The following CARMIL1 variants were observed in gnomAD, a reference collection of about 807,000 sequenced individuals.
The protein encoded by CARMIL1 is F-actin-uncapping protein LRRC16A.
In CARMIL1, 90 loss-of-function variants were observed where a neutral mutation model predicts 177.1. The ratio of observed to expected loss-of-function variants is 0.51; its 90% CI spans 0.43 to 0.61. CARMIL1 has a LOEUF of 0.61. Ranked by LOEUF, CARMIL1 falls within the 20% of genes least tolerant of loss-of-function variation. The probability of loss-of-function intolerance (pLI) is 0.00; values close to 1 mark genes in which losing one functional copy is unlikely to be tolerated. For synonymous variants in CARMIL1, 577 were observed against 606.2 expected, an observed-to-expected ratio of 0.95 and a Z score of 0.71; for missense variants, 1,380 against 1,667.0, an observed-to-expected ratio of 0.83 and a Z score of 3.00.
chr6:25,397,278 T>C (rs978516289), intron 2 of CARMIL1, among the ~76,000 whole-genome samples: 1 of 152,186 alleles, frequency 6.6e-6, no homozygotes, highest in Admixed American at 6.5e-5. Flanking sequence ...GGTTAAGCCC[T>C]CATACAAGCG....
chr6:25,607,781 C>T (rs3804109), intron 35 of CARMIL1, among the ~76,000 whole-genome samples: 43,863 of 151,970 alleles, frequency 0.29, 6,406 homozygotes, highest in Non-Finnish European at 0.3. Context: ...TGGACAGTCC[C>T]TGGTCTTCAT....
intron 8 of CARMIL1, among the ~76,000 whole-genome samples, chr6:25,459,561 A>G (rs938718112): frequency 6.6e-6 from 1 of 151,858 alleles, no homozygotes; most frequent in East Asian, 1.9e-4. Flanking sequence ...CTGGATCCCA[A>G]CATTTTTTAT....
Position 25,419,791 on chromosome 6 carries a change from A to G in CARMIL1, c.139-323A>G, listed in dbSNP as rs76143448. Among the ~76,000 whole-genome samples, 536 of 152,258 alleles carry G rather than the reference A, an allele frequency of 3.5e-3. 5 individuals carry two copies. Among genetic ancestry groups the G allele is most frequent in the Non-Finnish European group, 5.1e-3 (349 of 67,996 alleles). On this transcript the variant is annotated intron_variant, in intron 2 of 36. Coordinates refer to ENST00000329474, the MANE Select transcript of CARMIL1 (RefSeq NM_017640.6). ...TGTTGATATAGTGAGACTTGTGACT[A>G]TGTATCTTATGCATTTTAGTATCAC... is the stretch of plus-strand genomic sequence containing the variant.
At chr6:25,531,830 G>A (rs1807787654) in intron 24 of CARMIL1, among the ~76,000 whole-genome samples, 1 of 152,152 alleles carries the variant, frequency 6.6e-6, no homozygotes, top group African/African-American at 2.4e-5. Flanking sequence ...GAGTGCAGTG[G>A]CGCAATCTCG....
chr6:25,516,998 C>T (rs779015873), intron 21 of CARMIL1, among the ~76,000 whole-genome samples: 15 of 152,052 alleles, frequency 9.9e-5, no homozygotes, highest in Non-Finnish European at 1.8e-4. Flanking sequence ...ATAGCTTCCA[C>T]CTCAGACATA....
rs1791554409 is a variant in CARMIL1 at position 25,381,688 on chromosome 6, G to A, written c.139-38426G>A. Among the ~76,000 whole-genome samples, 5 of 152,302 alleles carry A rather than the reference G, an allele frequency of 3.3e-5. No individual in the cohort carries two copies. In the South Asian group the frequency reaches 1.0e-3, roughly 32 times the overall value. On this transcript the variant is annotated intron_variant, in intron 2 of 36. Coordinates refer to ENST00000329474, the MANE Select transcript of CARMIL1 (RefSeq NM_017640.6). ...GCACAGGACAAGGTATAGAGGAAGG[G>A]CATTGCCCTCTCTAGATGCCCACCC...
rs138123209 is a variant in CARMIL1 at position 25,453,116 on chromosome 6, A to T, written c.614+2405A>T. Among the ~76,000 whole-genome samples the T allele has an allele frequency of 1.2e-4, 19 of 152,342 alleles. No homozygotes were observed. In the East Asian group the frequency reaches 3.7e-3, roughly 29 times the overall value. On this transcript the variant is annotated intron_variant, in intron 8 of 36. Transcript: ENST00000329474. ...TGTATAATAGCAAAAGAAAAAAGAA[A>T]GACATTTCATAACTATCATCACTGA...
rs748224504 is a variant in CARMIL1, at chr6:25,517,463, C to A, written c.1874+48C>A. 8 of 1,434,824 alleles carry A rather than the reference C, an allele frequency of 5.6e-6. No individual in the cohort carries two copies. In the African/African-American group the frequency reaches 1.1e-4, roughly 20 times the overall value. 88.9% of individuals were successfully genotyped at this position (1,434,824 alleles called of 1,614,324 possible). A position where few individuals can be genotyped will look rare whatever the true frequency, so the allele number is the denominator to read the frequency against. ...TTCTAGGAAAATAAAAAAACAAAAA[C>A]CAATGGTATATATGTTACCTGTTGG... On this transcript the variant is annotated intron_variant, in intron 22 of 36. Transcript: ENST00000329474.
intron 2 of CARMIL1, among the ~76,000 whole-genome samples, chr6:25,303,049 C>T (rs987995569): frequency 4.0e-5 from 6 of 151,630 alleles, no homozygotes; most frequent in Admixed American, 1.3e-4. Context: ...TTTCTGTTTG[C>T]GAAGGCTTGG....
intron 2 of CARMIL1, among the ~76,000 whole-genome samples, chr6:25,372,047 G>A (rs548193243): frequency 1.3e-5 from 2 of 152,224 alleles, no homozygotes; most frequent in South Asian, 4.2e-4. Flanking sequence ...CTTTGTCAAA[G>A]ATCAATTGTG....
chr6:25,401,681 C>T (rs1165695742), intron 2 of CARMIL1, among the ~76,000 whole-genome samples: 9 of 152,282 alleles, frequency 5.9e-5, no homozygotes, highest in East Asian at 3.9e-4. Context: ...CGCCAGCTGT[C>T]GGGTTAGGAG....
intron 31 of CARMIL1, among the ~76,000 whole-genome samples, chr6:25,584,896 C>T (rs1320209071): frequency 6.6e-6 from 1 of 152,216 alleles, no homozygotes; most frequent in African/African-American, 2.4e-5. Flanking sequence ...GTCCCAACCT[C>T]ATCAATCTGT....
At chr6:25,336,098 A>T (rs1469653906) in intron 2 of CARMIL1, among the ~76,000 whole-genome samples, 1 of 151,952 alleles carries the variant, frequency 6.6e-6, no homozygotes, top group Non-Finnish European at 1.5e-5. Flanking sequence ...TATTTCCAGG[A>T]GAAAAAAAAT....
intron 2 of CARMIL1, among the ~76,000 whole-genome samples, chr6:25,370,979 A>G (rs768166069): frequency 3.3e-5 from 5 of 151,980 alleles, no homozygotes; most frequent in African/African-American, 7.3e-5. Flanking sequence ...TTGTGTACCC[A>G]TAGTTTAGCT....
chr6:25,566,212 T>C (rs954413409), intron 29 of CARMIL1, among the ~76,000 whole-genome samples: 2 of 152,244 alleles, frequency 1.3e-5, no homozygotes, highest in Admixed American at 6.5e-5. Flanking sequence ...CCAGAAGAGT[T>C]TTCTAAATGG....
chr6:25,418,549 T>TA (rs34839184), intron 2 of CARMIL1, among the ~76,000 whole-genome samples: 57,148 of 146,536 alleles, frequency 0.39, 10,964 homozygotes, highest in Middle Eastern at 0.45. Context: ...TAGGAGGGTG[T>TA]AAAAAAAAAA....
At chr6:25,405,895 A>T (rs1041254923) in intron 2 of CARMIL1, among the ~76,000 whole-genome samples, 1 of 152,154 alleles carries the variant, frequency 6.6e-6, no homozygotes, top group African/African-American at 2.4e-5. Flanking sequence ...AGATTCACAG[A>T]CCGTAGCAAC....
At chr6:25,380,616 G>A (rs1791432274) in intron 2 of CARMIL1, among the ~76,000 whole-genome samples, 1 of 152,164 alleles carries the variant, frequency 6.6e-6, no homozygotes, top group African/African-American at 2.4e-5. Flanking sequence ...GTTTGAATTA[G>A]ATTTCATGTT....
intron 3 of CARMIL1, among the ~76,000 whole-genome samples, chr6:25,420,912 C>T (rs1562113755): frequency 6.6e-6 from 1 of 152,130 alleles, no homozygotes; most frequent in Non-Finnish European, 1.5e-5. Context: ...AAGGTGATAA[C>T]ATTTACTGGA....
Sources: gnomAD v4.1 joint callset for allele counts (sites outside exome capture counted in the v4.1 genomes callset) on GRCh38, gnomAD v4.1.1 for gene constraint, MANE v1.5 for transcripts, NCBI Gene and HGNC (gene_info 2026-07-23, HGNC 2026-07-21) for gene names.